PRORP: variants seen among roughly 807,000 people sequenced by gnomAD.
PRORP encodes the protein protein only RNase P catalytic subunit, also known as mitochondrial ribonuclease P catalytic subunit.
A neutral mutation model predicts 59.4 loss-of-function variants in PRORP; 51 were observed. The observed-to-expected ratio is 0.86, with a 90% confidence interval of 0.69 to 1.08. PRORP has a LOEUF of 1.08. Ranked by LOEUF, PRORP falls within the 50% of genes least tolerant of loss-of-function variation. PRORP has a pLI of 0.00. For synonymous variants in PRORP, 231 were observed against 245.6 expected (o/e 0.94, Z 0.55); for missense variants, 646 against 690.3 (o/e 0.94, Z 0.72).
intron 7 of PRORP, 137 bp downstream of exon 7, chr14:35,270,733 T>G: frequency 1.3e-6 from 1 of 794,262 alleles, no homozygotes; most frequent in South Asian, 1.9e-5. Context: ...TATTTGGAAC[T>G]AGCCAGGTCC....
chr14:35,157,358 G>A (rs2047942538), intron 4 of PRORP, among the ~76,000 whole-genome samples: 1 of 152,242 alleles, frequency 6.6e-6, no homozygotes, highest in African/African-American at 2.4e-5. Flanking sequence ...CCATTGTGTT[G>A]ATGGTACAAG....
At chr14:35,234,633 T>C (rs17103120) in intron 5 of PRORP, among the ~76,000 whole-genome samples, 19,132 of 151,658 alleles carry the variant, frequency 0.13, 1,442 homozygotes, top group Non-Finnish European at 0.16. Context: ...TCAAATGTGA[T>C]TAACTCTCTC....
Position 35,235,926 on chromosome 14 carries a change from C to CA in PRORP, c.1276-30795dup, listed in dbSNP as rs1218393278. Among the ~76,000 whole-genome samples, 30 of 151,514 alleles carry CA rather than the reference C, an allele frequency of 2.0e-4. No individual in the cohort carries two copies. The East Asian group carries it at 4.3e-3, about 22-fold the overall frequency. ...CAAAAAAACAAACAAAAAAACACCA[C>CA]AAAAAACAGAAAACAAAAAATTAGC... On this transcript the variant is annotated intron_variant, in intron 5 of 7. Coordinates refer to ENST00000534898, the MANE Select transcript of PRORP (RefSeq NM_014672.4).
At chr14:35,220,879 G>A (rs1428129051) in intron 5 of PRORP, among the ~76,000 whole-genome samples, 3 of 152,150 alleles carry the variant, frequency 2.0e-5, no homozygotes, top group Non-Finnish European at 4.4e-5. Flanking sequence ...GGGGGAGGAT[G>A]TAAACAAATA....
rs1238723013 is a variant in PRORP, at chr14:35,123,522, A to C, written c.277A>C (p.Arg93=). The change falls in exon 2 of 8, where the codon AGA becomes CGA. Residue 93 remains arginine (R), a synonymous_variant. Coordinates refer to ENST00000534898, the MANE Select transcript of PRORP (RefSeq NM_014672.4). ...HFFLAGAAKE[R]SQMNSQTEDH... ...TTTTTTAGCTGGAGCAGCTAAGGAG[A>C]GATCACAGATGAATTCTCAAACTGA... The C allele has an allele frequency of 2.5e-6, 4 of 1,614,066 alleles. No homozygotes were observed. The highest frequency in any genetic ancestry group is 2.5e-6 in the Non-Finnish European group (3 of 1,180,044).
rs115088297 is a variant in PRORP at position 35,203,385 on chromosome 14, G to A, written c.1275+22608G>A. Among the ~76,000 whole-genome samples the A allele has an allele frequency of 7.6e-3, 1,153 of 152,126 alleles. 19 individuals are homozygous for A. The highest frequency in any genetic ancestry group is 0.026 in the African/African-American group (1,092 of 41,506). ...TCTACAAAAAATGGAAAAATTAGCC[G>A]GTGTGGTGGTGGGCTTCTGTATTCC... On this transcript the variant is annotated intron_variant, in intron 5 of 7. Coordinates refer to ENST00000534898, the MANE Select transcript of PRORP (RefSeq NM_014672.4).
intron 5 of PRORP, among the ~76,000 whole-genome samples, chr14:35,185,655 T>A (rs571100673): frequency 4.6e-4 from 70 of 152,328 alleles, no homozygotes; most frequent in Non-Finnish European, 8.1e-4. Flanking sequence ...TAATCAGATG[T>A]GAAATACAGG....
At chr14:35,245,831 A>G (rs1183889066) in intron 5 of PRORP, among the ~76,000 whole-genome samples, 1 of 152,074 alleles carries the variant, frequency 6.6e-6, no homozygotes, top group African/African-American at 2.4e-5. Context: ...TTGGAACTCC[A>G]ATTTCCTGTC....
chr14:35,218,679 C>G (rs1046566923), intron 5 of PRORP, among the ~76,000 whole-genome samples: 7 of 151,832 alleles, frequency 4.6e-5, no homozygotes, highest in Non-Finnish European at 1.0e-4. Flanking sequence ...GGTGCCACCA[C>G]CACGCCTAGC....
At chr14:35,143,439 G>C (rs2047530373) in intron 4 of PRORP, among the ~76,000 whole-genome samples, 1 of 145,616 alleles carries the variant, frequency 6.9e-6, no homozygotes, top group Non-Finnish European at 1.5e-5. Context: ...TGGGATTATA[G>C]GCATGAGCCA....
At chr14:35,232,624 A>G (rs1311568925) in intron 5 of PRORP, among the ~76,000 whole-genome samples, 9 of 152,102 alleles carry the variant, frequency 5.9e-5, no homozygotes, top group Non-Finnish European at 7.3e-5. Context: ...AGTCCTTGCC[A>G]GAGCATGGTA....
Position 35,273,578 on chromosome 14 carries a change from T to A in PRORP, c.*12T>A. On this transcript the variant is annotated 3_prime_UTR_variant, in exon 8 of 8. Coordinates refer to ENST00000534898, the MANE Select transcript of PRORP (RefSeq NM_014672.4). The stretch of plus-strand genomic sequence containing the variant: ...ACCAAAAGACATAGAGATTCTTACC[T>A]CTATGCTAAGTTTGTGTTTGGGTAC... 6.2e-7 allele frequency: 1 copy of A among 1,609,540 alleles called. No homozygotes were observed. The highest frequency in any genetic ancestry group is 8.5e-7 in the Non-Finnish European group (1 of 1,178,034).
chr14:35,243,888 C>T (rs2050421070), intron 5 of PRORP, among the ~76,000 whole-genome samples: 1 of 152,006 alleles, frequency 6.6e-6, no homozygotes, highest in African/African-American at 2.4e-5. Flanking sequence ...TGCCTAGTAA[C>T]TCATAGCTAA....
chr14:35,191,579 T>C (rs955893207), intron 5 of PRORP, among the ~76,000 whole-genome samples: 14 of 152,142 alleles, frequency 9.2e-5, no homozygotes, highest in Non-Finnish European at 1.8e-4. Context: ...GGCATGCACC[T>C]GTGGTTCCAG....
At chr14:35,158,389 T>C in intron 4 of PRORP, 1 of 306,606 alleles carries the variant, frequency 3.3e-6, no homozygotes, top group Non-Finnish European at 6.5e-6. Flanking sequence ...GATACTGCCT[T>C]CCCCTAACCC....
intron 5 of PRORP, among the ~76,000 whole-genome samples, chr14:35,236,893 T>C (rs888736118): frequency 6.6e-6 from 1 of 152,008 alleles, no homozygotes; most frequent in Non-Finnish European, 1.5e-5. Flanking sequence ...TACCTCCTAA[T>C]TATTTCTCTC....
At chr14:35,183,587 A>G (rs777401046) in intron 5 of PRORP, among the ~76,000 whole-genome samples, 5 of 152,152 alleles carry the variant, frequency 3.3e-5, no homozygotes, top group Non-Finnish European at 5.9e-5. Flanking sequence ...TCTTTGGAAT[A>G]GATTTTGAGA....
At chr14:35,196,024 T>C (rs1273286038) in intron 5 of PRORP, among the ~76,000 whole-genome samples, 1 of 152,182 alleles carries the variant, frequency 6.6e-6, no homozygotes, top group Non-Finnish European at 1.5e-5. Context: ...ATTGTAAGCT[T>C]CTCCCTAGGG....
chr14:35,223,232 T>C (rs969818037), intron 5 of PRORP, among the ~76,000 whole-genome samples: 1 of 151,904 alleles, frequency 6.6e-6, no homozygotes, highest in African/African-American at 2.4e-5. Flanking sequence ...GCTCTTTTTT[T>C]TTTTTTTACC....
Sources: allele counts gnomAD v4.1 joint callset (sites outside exome capture counted in the v4.1 genomes callset), GRCh38; gene constraint gnomAD v4.1.1; transcripts MANE v1.5; gene names NCBI Gene and HGNC (gene_info 2026-07-23, HGNC 2026-07-21).